PCDHGA8: variants seen among roughly 807,000 people sequenced by gnomAD.
PCDHGA8 encodes the protein protocadherin gamma-A8.
In PCDHGA8, 45 loss-of-function variants were observed where a neutral mutation model predicts 59.2. That is an observed-to-expected ratio of 0.76 (90% CI 0.60 to 0.98). PCDHGA8 has a LOEUF of 0.98. Among genes scored for constraint, PCDHGA8 ranks in the 50% least tolerant of loss-of-function variants. The pLI is 0.00. For missense variants in PCDHGA8, 1,257 were observed against 1,196.2 expected, an observed-to-expected ratio of 1.05 and a Z score of -0.75; for synonymous variants, 531 against 519.0, an observed-to-expected ratio of 1.02 and a Z score of -0.32.
chr5:141,459,486 G>A (rs764885682), intron 1 of PCDHGA8, among the ~76,000 whole-genome samples: 8 of 152,154 alleles, frequency 5.3e-5, no homozygotes, highest in Admixed American at 3.9e-4. Context: ...GTGCTATTCT[G>A]AATTAAAGTG....
chr5:141,476,952 T>A lies in PCDHGA8; in HGVS notation c.2425-17855T>A, dbSNP rs1463851594. On this transcript the variant is annotated intron_variant, in intron 1 of 3. Transcript: ENST00000398604. This position sits in a 1 kb window ranked among gnomAD's most constrained non-coding sequence, Gnocchi z 7.6. ...CTGGATGAAGGCCCCAACGGTGAAA[T>A]TATTTACTCCTTCGGCAGCCACAAC... 1 of 1,614,052 alleles carries A rather than the reference T, an allele frequency of 6.2e-7. No individual in the cohort carries two copies. Among genetic ancestry groups the A allele is most frequent in the Non-Finnish European group, 8.5e-7 (1 of 1,180,038 alleles).
intron 1 of PCDHGA8, among the ~76,000 whole-genome samples, chr5:141,462,361 T>C (rs1354253099): frequency 6.6e-6 from 1 of 152,282 alleles, no homozygotes; most frequent in Non-Finnish European, 1.5e-5. Flanking sequence ...ATACATTGTA[T>C]AGTTTCTATT....
chr5:141,486,909 C>T lies in PCDHGA8; in HGVS notation c.2425-7898C>T, dbSNP rs759702188. ...CGGCCTGGTTCCTTATGTCCCCAAGCACTGCCTCCATCAGTTGGTGCTGGC... is the reference window on the plus strand; with the variant it reads ...CGGCCTGGTTCCTTATGTCCCCAAGTACTGCCTCCATCAGTTGGTGCTGGC... On this transcript the variant is annotated intron_variant, in intron 1 of 3. Transcript: ENST00000398604. This position sits in a 1 kb window ranked among gnomAD's most constrained non-coding sequence, Gnocchi z 5.0. 2 of 1,614,262 alleles carry T rather than the reference C, an allele frequency of 1.2e-6. No homozygotes were observed. Among genetic ancestry groups the T allele is most frequent in the Non-Finnish European group, 1.7e-6 (2 of 1,180,054 alleles).
chr5:141,444,341 T>C (rs909401337), intron 1 of PCDHGA8, among the ~76,000 whole-genome samples: 2 of 151,892 alleles, frequency 1.3e-5, no homozygotes, highest in African/African-American at 4.8e-5. Context: ...CCAGCTAATT[T>C]TGTATTTTTA....
chr5:141,402,071 A>G, intron 1 of PCDHGA8, among the ~76,000 whole-genome samples: 2 of 152,340 alleles, frequency 1.3e-5, no homozygotes, highest in Middle Eastern at 3.4e-3. Context: ...AAAACTAAGC[A>G]TTTTTGAAAT....
In PCDHGA8 at chr5:141,394,748, C is replaced by G. The variant is rs960054108; in HGVS notation, c.1935C>G (p.Ala645=). The change falls in exon 1 of 4, where the codon GCC becomes GCG. Residue 645 remains alanine (A), a synonymous_variant. Transcript: ENST00000398604. ...RDALKQSLVV[A]VQDHGQPPLS... is the part of the protein sequence containing the mutation. ...CGCTCAAGCAGAGCCTCGTGGTGGC[C>G]GTCCAGGACCATGGCCAGCCCCCTC... 7 of 1,613,296 alleles carry G rather than the reference C, an allele frequency of 4.3e-6. No homozygotes were observed. Among genetic ancestry groups the G allele is most frequent in the Non-Finnish European group, 5.9e-6 (7 of 1,179,986 alleles).
intron 1 of PCDHGA8, among the ~76,000 whole-genome samples, chr5:141,469,134 G>T (rs2099192163): frequency 6.6e-6 from 1 of 151,944 alleles, no homozygotes; most frequent in Non-Finnish European, 1.5e-5. Context: ...AAATTAGCCA[G>T]AAATGGTGGC....
intron 3 of PCDHGA8, among the ~76,000 whole-genome samples, chr5:141,508,711 T>G (rs1201917424): frequency 6.6e-6 from 1 of 152,058 alleles, no homozygotes; most frequent in Admixed American, 6.5e-5. Flanking sequence ...CTCATTCTTT[T>G]CTGTGTGCAG....
chr5:141,479,636 CA>C (rs1397283180), intron 1 of PCDHGA8: 1 of 152,080 alleles, frequency 6.6e-6, no homozygotes, highest in African/African-American at 2.4e-5. Flanking sequence ...TTAACAATAA[CA>C]ACAACAACAA....
rs72790062 is a variant in PCDHGA8, at chr5:141,476,031, C to A, written c.2425-18776C>A. On this transcript the variant is annotated intron_variant, in intron 1 of 3. Coordinates refer to ENST00000398604, the MANE Select transcript of PCDHGA8 (RefSeq NM_032088.2). The surrounding 1 kb of genome is among the most constrained non-coding windows in gnomAD (Gnocchi z 7.6). Reference sequence around the variant, plus strand: ...AAGCCATGTCGGACTCGGCGCCCAGCGCCCAAGCGCTAACCCGCTGAAAGT... The same window carrying A: ...AAGCCATGTCGGACTCGGCGCCCAGAGCCCAAGCGCTAACCCGCTGAAAGT... 6.9e-6 allele frequency: 10 copies of A among 1,457,214 alleles called. No homozygotes were observed. The highest frequency in any genetic ancestry group is 9.1e-6 in the Non-Finnish European group (10 of 1,094,860). 90.3% of individuals were successfully genotyped at this position (1,457,214 alleles called of 1,614,324 possible).
intron 1 of PCDHGA8, chr5:141,395,539 TG>T: frequency 9.6e-6 from 2 of 208,432 alleles, no homozygotes; most frequent in Non-Finnish European, 1.6e-5. Flanking sequence ...ATTTTGCTAT[TG>T]TTTGTGTGTG....
chr5:141,494,601 A>T (rs1396717178), intron 1 of PCDHGA8, among the ~76,000 whole-genome samples: 1 of 151,892 alleles, frequency 6.6e-6, no homozygotes, highest in East Asian at 1.9e-4. Context: ...ATGAAATGTG[A>T]TTTATCTCTT....
intron 1 of PCDHGA8, among the ~76,000 whole-genome samples, chr5:141,430,341 C>T (rs766664177): frequency 1.4e-4 from 21 of 149,938 alleles, no homozygotes; most frequent in Non-Finnish European, 2.8e-4. Context: ...TAGAAACTTC[C>T]AATTCATTTA....
intron 1 of PCDHGA8, among the ~76,000 whole-genome samples, chr5:141,402,436 A>G (rs1441746239): frequency 2.6e-5 from 4 of 152,178 alleles, no homozygotes; most frequent in African/African-American, 9.6e-5. Flanking sequence ...GCATCATAAA[A>G]AGGAAATTAT....
intron 2 of PCDHGA8, among the ~76,000 whole-genome samples, chr5:141,501,821 G>A (rs910825533): frequency 1.3e-5 from 2 of 152,028 alleles, no homozygotes; most frequent in Non-Finnish European, 2.9e-5. Context: ...ATAATTGGCA[G>A]CCCACCCACC....
chr5:141,427,096 T>A, intron 1 of PCDHGA8: 1 of 458,056 alleles, frequency 2.2e-6, no homozygotes, highest in Non-Finnish European at 4.4e-6. Flanking sequence ...GATGAGGGTG[T>A]CAATGCGGAG....
Position 141,437,358 on chromosome 5 carries a change from T to C in PCDHGA8, c.2424+42121T>C, listed in dbSNP as rs115917828. ...CTTCACTGTTTTATAGTACCTAAAATTGGAATGTAATCAGTCAGAAGACAT... is the reference window on the plus strand; with the variant it reads ...CTTCACTGTTTTATAGTACCTAAAACTGGAATGTAATCAGTCAGAAGACAT... On this transcript the variant is annotated intron_variant, in intron 1 of 3. Coordinates refer to ENST00000398604, the MANE Select transcript of PCDHGA8 (RefSeq NM_032088.2). 4.6e-3 allele frequency among the ~76,000 whole-genome samples: 702 copies of C among 152,356 alleles called. 4 individuals carry two copies. Among genetic ancestry groups the C allele is most frequent in the African/African-American group, 0.015 (639 of 41,574 alleles).
intron 1 of PCDHGA8, chr5:141,403,154 T>G (rs1166937788): frequency 6.2e-7 from 1 of 1,614,024 alleles, no homozygotes; most frequent in Non-Finnish European, 8.5e-7. Flanking sequence ...CCGCATCGTC[T>G]CTAGAGGTAG....
rs150897033 is a variant in PCDHGA8, at chr5:141,453,434, G to C, written c.2425-41373G>C. Among the ~76,000 whole-genome samples the C allele has an allele frequency of 3.9e-3, 592 of 151,994 alleles. 6 individuals are homozygous for C. The highest frequency in any genetic ancestry group is 0.011 in the Admixed American group (171 of 15,256). On this transcript the variant is annotated intron_variant, in intron 1 of 3. Coordinates refer to ENST00000398604, the MANE Select transcript of PCDHGA8 (RefSeq NM_032088.2). Reference sequence around the variant, plus strand: ...GGCATAAGCCACCACACCTAGCCTAGTATTCTTTTTTGAATATGTAAAACA... The same window carrying C: ...GGCATAAGCCACCACACCTAGCCTACTATTCTTTTTTGAATATGTAAAACA...
Sources: allele counts gnomAD v4.1 joint callset (sites outside exome capture counted in the v4.1 genomes callset), GRCh38; gene constraint gnomAD v4.1.1; non-coding constraint Gnocchi (gnomAD v3.1); transcripts MANE v1.5; gene names NCBI Gene and HGNC (gene_info 2026-07-23, HGNC 2026-07-21).